The following SORCS2 variants were observed in gnomAD, a reference collection of about 807,000 sequenced individuals.
The protein encoded by SORCS2 is VPS10 domain-containing receptor SorCS2.
In SORCS2, 100 loss-of-function variants were observed where a neutral mutation model predicts 141.6. That is an observed-to-expected ratio of 0.71 (90% CI 0.60 to 0.83). The LOEUF (loss-of-function observed/expected upper bound fraction) is 0.83. SORCS2 is among the 40% of genes least tolerant of loss of function. SORCS2 has a pLI of 0.00. For missense variants in SORCS2, 1,646 were observed against 1,560.2 expected (o/e 1.05, Z -0.93); for synonymous variants, 789 against 676.9 (o/e 1.17, Z -2.57).
At chr4:7,380,941 G>C (rs947861767) in intron 1 of SORCS2, among the ~76,000 whole-genome samples, 2 of 152,142 alleles carry the variant, frequency 1.3e-5, no homozygotes, top group East Asian at 3.9e-4. Flanking sequence ...AATTAGCTGG[G>C]TGTGGTGGCA....
intron 11 of SORCS2, among the ~76,000 whole-genome samples, chr4:7,694,219 G>A (rs1352025042): frequency 1.3e-5 from 2 of 152,176 alleles, no homozygotes. Context: ...GGAAGGGCAG[G>A]GGTCCTGGGC....
intron 21 of SORCS2, 24 bp from the exon 22 acceptor site, chr4:7,728,326 T>G: frequency 6.3e-7 from 1 of 1,577,132 alleles, no homozygotes; most frequent in Non-Finnish European, 8.7e-7. Context: ...AACTGACCAG[T>G]CTCCCTTCTC....
At chr4:7,543,646 G>GTCCATCCATCCACCCACCCA (rs1560372802) in intron 3 of SORCS2, among the ~76,000 whole-genome samples, 10 of 13,722 alleles carry the variant, frequency 7.3e-4, no homozygotes, top group East Asian at 6.7e-3. Flanking sequence ...CCGTCCATCC[G>GTCCATCCATCCACCCACCCA]TCCATCCATC....
chr4:7,502,733 C>T (rs1344294495), intron 2 of SORCS2, among the ~76,000 whole-genome samples: 5 of 152,252 alleles, frequency 3.3e-5, no homozygotes, highest in South Asian at 2.1e-4. Context: ...CCAGGTCTCA[C>T]GACGCTCCAT....
chr4:7,640,087 CAG>C lies in SORCS2; in HGVS notation c.813+1596_813+1597del, dbSNP rs202141199. Among the ~76,000 whole-genome samples the C allele has an allele frequency of 8.0e-3, 1,195 of 149,122 alleles. 6 individuals are homozygous for C. Among genetic ancestry groups the C allele is most frequent in the Middle Eastern group, 0.025 (7 of 280 alleles). On this transcript the variant is annotated intron_variant, in intron 4 of 26. Transcript: ENST00000507866. ...TGTTTATGAGTGTGAAACAGCATGT[CAG>C]TGTGTGCTTGTAGGTGTGTGTAAGA...
At chr4:7,388,413 G>A (rs1723621010) in intron 1 of SORCS2, among the ~76,000 whole-genome samples, 1 of 152,166 alleles carries the variant, frequency 6.6e-6, no homozygotes, top group Non-Finnish European at 1.5e-5. Flanking sequence ...GGAAATGGAG[G>A]CTTTGAAAGG....
At chr4:7,482,617 A>G (rs371201054) in intron 2 of SORCS2, among the ~76,000 whole-genome samples, 7 of 66,680 alleles carry the variant, frequency 1.0e-4, no homozygotes, top group South Asian at 8.2e-4. Context: ...CTGTATCCCC[A>G]CTGCGGACAC....
At chr4:7,561,531 TCCA>T (rs1714562745) in intron 3 of SORCS2, among the ~76,000 whole-genome samples, 1 of 150,038 alleles carries the variant, frequency 6.7e-6, no homozygotes, top group African/African-American at 2.5e-5. Flanking sequence ...TACCCATCCA[TCCA>T]TGTATCCATT....
At chr4:7,623,671 C>A (rs937450477) in intron 3 of SORCS2, among the ~76,000 whole-genome samples, 2 of 152,312 alleles carry the variant, frequency 1.3e-5, no homozygotes, top group East Asian at 3.9e-4. Context: ...GGATTGGTCA[C>A]CTGGGCACCT....
chr4:7,382,350 C>T (rs1292371919), intron 1 of SORCS2, among the ~76,000 whole-genome samples: 1 of 152,070 alleles, frequency 6.6e-6, no homozygotes, highest in Non-Finnish European at 1.5e-5. Context: ...ATATAACATC[C>T]CTGGTTGTAC....
Position 7,373,484 on chromosome 4 carries a change from T to A in SORCS2, c.481-22804T>A, listed in dbSNP as rs1264020300. Among the ~76,000 whole-genome samples, 69 of 21,192 alleles carry A rather than the reference T, an allele frequency of 3.3e-3. 1 individual carries two copies. The highest frequency in any genetic ancestry group is 5.5e-3 in the Non-Finnish European group (49 of 8,968). 13.9% of individuals were successfully genotyped at this position (21,192 alleles called of 152,430 possible). A position where few individuals can be genotyped will look rare whatever the true frequency, so the allele number is the denominator to read the frequency against. ...TATATATATATATATATATATTTTT[T>A]TTTTTTTTTTTTTTTTTTTTTTGAG... On this transcript the variant is annotated intron_variant, in intron 1 of 26. Transcript: ENST00000507866.
chr4:7,245,567 G>A (rs994761332), intron 1 of SORCS2, among the ~76,000 whole-genome samples: 2 of 152,240 alleles, frequency 1.3e-5, no homozygotes, highest in African/African-American at 4.8e-5. Flanking sequence ...CATCTGTGAA[G>A]TGGGACCAAT....
At chr4:7,524,137 A>T (rs1167558089) in intron 2 of SORCS2, among the ~76,000 whole-genome samples, 1 of 152,142 alleles carries the variant, frequency 6.6e-6, no homozygotes, top group Non-Finnish European at 1.5e-5. Context: ...TCCACCAGGA[A>T]CCTCAGGGGT....
At chr4:7,533,192 C>T (rs7683894) in intron 3 of SORCS2, among the ~76,000 whole-genome samples, 88 of 152,148 alleles carry the variant, frequency 5.8e-4, no homozygotes, top group African/African-American at 1.7e-3. Flanking sequence ...CCAGCTTCAC[C>T]GAGCCCAAAG....
intron 1 of SORCS2, among the ~76,000 whole-genome samples, chr4:7,356,574 T>A (rs1721266056): frequency 6.6e-6 from 1 of 152,132 alleles, no homozygotes. Context: ...GCCCCCACCC[T>A]CGTGACTACT....
chr4:7,251,567 C>T (rs1417836056), intron 1 of SORCS2, among the ~76,000 whole-genome samples: 2 of 152,184 alleles, frequency 1.3e-5, no homozygotes, highest in East Asian at 3.9e-4. Context: ...GACCTTGGCT[C>T]TGACACTTTC....
intron 24 of SORCS2, 62 bp from the exon 25 acceptor site, chr4:7,734,210 T>TG: frequency 1.6e-6 from 2 of 1,217,870 alleles, no homozygotes. Flanking sequence ...CGGGATGGGC[T>TG]GGGGATGGGA....
intron 4 of SORCS2, among the ~76,000 whole-genome samples, chr4:7,647,372 A>T (rs1417157243): frequency 3.9e-5 from 6 of 152,174 alleles, no homozygotes; most frequent in Non-Finnish European, 7.4e-5. Context: ...GATTTCACTC[A>T]TGGTACCAGG....
At chr4:7,312,628 G>A (rs1461784286) in intron 1 of SORCS2, among the ~76,000 whole-genome samples, 2 of 152,216 alleles carry the variant, frequency 1.3e-5, no homozygotes, top group East Asian at 1.9e-4. Flanking sequence ...TGTGCTGTGA[G>A]TGTGGACATT....
Sources: gnomAD v4.1 joint callset for allele counts (sites outside exome capture counted in the v4.1 genomes callset) on GRCh38, gnomAD v4.1.1 for gene constraint, MANE v1.5 for transcripts, NCBI Gene and HGNC (gene_info 2026-07-23, HGNC 2026-07-21) for gene names.